Variants in CDH18 observed in about 807,000 individuals in gnomAD.
CDH18 encodes cadherin 18.
A neutral mutation model predicts 67.9 loss-of-function variants in CDH18; 31 were observed. The observed-to-expected ratio is 0.46, with a 90% confidence interval of 0.34 to 0.62. The LOEUF (loss-of-function observed/expected upper bound fraction) is 0.62. CDH18 is among the 20% of genes least tolerant of loss of function. The probability of loss-of-function intolerance (pLI) is 0.01; values close to 1 mark genes in which losing one functional copy is unlikely to be tolerated. For synonymous variants in CDH18, 362 were observed against 347.2 expected (o/e 1.04, Z -0.48); for missense variants, 890 against 975.5 (o/e 0.91, Z 1.17).
At chr5:19,557,127 C>T (rs965227654) in intron 8 of CDH18, among the ~76,000 whole-genome samples, 2 of 152,122 alleles carry the variant, frequency 1.3e-5, no homozygotes, top group African/African-American at 2.4e-5. Context: ...ACAAGAACTG[C>T]TAAAAGGAGA....
intron 2 of CDH18, among the ~76,000 whole-genome samples, chr5:20,169,210 C>T (rs1368806320): frequency 6.6e-6 from 1 of 152,030 alleles, no homozygotes; most frequent in Non-Finnish European, 1.5e-5. Context: ...CTGATTATTT[C>T]ATATCTCATG....
chr5:19,724,650 GA>G (rs887961943), intron 4 of CDH18, among the ~76,000 whole-genome samples: 6 of 146,012 alleles, frequency 4.1e-5, no homozygotes, highest in Non-Finnish European at 4.5e-5. Context: ...TTACCATTGT[GA>G]AAAAAAAAAG....
intron 2 of CDH18, among the ~76,000 whole-genome samples, chr5:20,027,757 T>C (rs1739040415): frequency 6.6e-6 from 1 of 152,210 alleles, no homozygotes; most frequent in African/African-American, 2.4e-5. Context: ...GACTTAAATT[T>C]TGCTTCTAAT....
chr5:19,953,407 C>T (rs1308926128), intron 2 of CDH18, among the ~76,000 whole-genome samples: 1 of 151,936 alleles, frequency 6.6e-6, no homozygotes, highest in Non-Finnish European at 1.5e-5. Flanking sequence ...GTTATGTTGA[C>T]TGATGCAGTA....
At chr5:19,763,373 G>T (rs926515741) in intron 3 of CDH18, among the ~76,000 whole-genome samples, 1 of 152,140 alleles carries the variant, frequency 6.6e-6, no homozygotes, top group African/African-American at 2.4e-5. Flanking sequence ...ACAAACAAAG[G>T]CTTCTCAAAG....
At chr5:19,817,940 A>G (rs1042468628) in intron 3 of CDH18, among the ~76,000 whole-genome samples, 5 of 152,128 alleles carry the variant, frequency 3.3e-5, no homozygotes, top group African/African-American at 9.7e-5. Context: ...TGTCCCCATA[A>G]CATGTTATTT....
At chr5:20,369,221 G>A (rs1241924647) in intron 1 of CDH18, among the ~76,000 whole-genome samples, 2 of 151,894 alleles carry the variant, frequency 1.3e-5, no homozygotes, top group African/African-American at 4.8e-5. Flanking sequence ...GAAAGAAAAT[G>A]TGTGCTCCAT....
intron 2 of CDH18, among the ~76,000 whole-genome samples, chr5:19,994,288 T>C (rs542062804): frequency 2.0e-5 from 3 of 151,530 alleles, no homozygotes; most frequent in South Asian, 4.2e-4. Flanking sequence ...TATACACATA[T>C]ATGTATACAT....
chr5:19,504,553 A>G (rs1235399259), intron 10 of CDH18, among the ~76,000 whole-genome samples: 1 of 152,114 alleles, frequency 6.6e-6, no homozygotes, highest in Non-Finnish European at 1.5e-5. Context: ...AGGAACATAT[A>G]TACATTAGCT....
rs1200757285 is a variant in CDH18 at position 19,544,339 on chromosome 5, A to G, written c.1254-334T>C. On this transcript the variant is annotated intron_variant, in intron 8 of 12. Transcript: ENST00000382275. ...GCCTATAATATGTTTAATGAAAAAAAATATTAAACCTATAATAAGACTTCT... is the reference window on the plus strand; with the variant it reads ...GCCTATAATATGTTTAATGAAAAAAGATATTAAACCTATAATAAGACTTCT... 3.3e-5 allele frequency among the ~76,000 whole-genome samples: 5 copies of G among 152,284 alleles called. No individual in the cohort carries two copies. In the East Asian group the frequency reaches 7.7e-4, roughly 23 times the overall value.
At chr5:20,540,154 T>A (rs182451049) in intron 1 of CDH18, among the ~76,000 whole-genome samples, 124 of 152,310 alleles carry the variant, frequency 8.1e-4, no homozygotes, top group African/African-American at 2.7e-3. Flanking sequence ...AATGCCTCAA[T>A]GTTTCTGTTC....
At chr5:19,795,202 A>C (rs574587570) in intron 3 of CDH18, among the ~76,000 whole-genome samples, 2 of 152,158 alleles carry the variant, frequency 1.3e-5, no homozygotes, top group African/African-American at 4.8e-5. Flanking sequence ...CTTCTTCATA[A>C]ATTATGAGAC....
chr5:20,567,375 TTTG>T (rs1282590410), intron 1 of CDH18, among the ~76,000 whole-genome samples: 1 of 152,130 alleles, frequency 6.6e-6, no homozygotes, highest in Non-Finnish European at 1.5e-5. Flanking sequence ...TTTGAAATAT[TTTG>T]TTTTCTCAAT....
At chr5:19,726,779 C>T (rs1423942695) in intron 4 of CDH18, among the ~76,000 whole-genome samples, 1 of 152,102 alleles carries the variant, frequency 6.6e-6, no homozygotes, top group Non-Finnish European at 1.5e-5. Context: ...AGGCTAAATG[C>T]TCATATGCCC....
intron 2 of CDH18, among the ~76,000 whole-genome samples, chr5:20,108,530 AT>A (rs36085695): frequency 1.4e-4 from 21 of 149,352 alleles, no homozygotes; most frequent in African/African-American, 2.5e-4. Flanking sequence ...TGAATTTCCC[AT>A]TTTTTTTTTC....
At chr5:20,337,610 T>C (rs1463004099) in intron 1 of CDH18, among the ~76,000 whole-genome samples, 2 of 152,198 alleles carry the variant, frequency 1.3e-5, no homozygotes, top group Non-Finnish European at 2.9e-5. Context: ...CTGGACCTTA[T>C]TGTTCATATC....
At chr5:20,378,320 C>T (rs1326374319) in intron 1 of CDH18, among the ~76,000 whole-genome samples, 2 of 152,016 alleles carry the variant, frequency 1.3e-5, no homozygotes, top group South Asian at 2.1e-4. Context: ...TACAGGCACC[C>T]ACCACCACGC....
chr5:19,956,055 T>C (rs1007527694), intron 2 of CDH18, among the ~76,000 whole-genome samples: 2 of 152,040 alleles, frequency 1.3e-5, no homozygotes, highest in Admixed American at 6.6e-5. Context: ...ATTTTCATAG[T>C]AGTTAGTGAA....
chr5:20,344,628 C>T (rs114216388), intron 1 of CDH18, among the ~76,000 whole-genome samples: 5,560 of 151,938 alleles, frequency 0.037, 138 homozygotes, highest in Non-Finnish European at 0.053. Context: ...CTACAGTTCT[C>T]GGGAAAGGTA....
Sources: gnomAD v4.1 joint callset for allele counts (sites outside exome capture counted in the v4.1 genomes callset) on GRCh38, gnomAD v4.1.1 for gene constraint, MANE v1.5 for transcripts, NCBI Gene and HGNC (gene_info 2026-07-23, HGNC 2026-07-21) for gene names.